The following ZMYM4 variants were observed in gnomAD, a reference collection of about 807,000 sequenced individuals.
ZMYM4 encodes the protein zinc finger MYM-type protein 4.
In ZMYM4, 31 loss-of-function variants were observed where a neutral mutation model predicts 183.2. The observed-to-expected ratio is 0.17, with a 90% confidence interval of 0.13 to 0.23. The LOEUF (loss-of-function observed/expected upper bound fraction) is 0.23. Ranked by LOEUF, ZMYM4 falls within the 10% of genes least tolerant of loss-of-function variation. ZMYM4 has a pLI of 1.00. For synonymous variants in ZMYM4, 592 were observed against 631.2 expected (o/e 0.94, Z 0.93); for missense variants, 1,273 against 1,840.3 (o/e 0.69, Z 5.64).
At chr1:35,398,537 A>G (rs1291532299) in intron 21 of ZMYM4, 71 bp downstream of exon 21, 1 of 1,337,164 alleles carries the variant, frequency 7.5e-7, no homozygotes, top group East Asian at 2.3e-5. Context: ...AAATATTAGT[A>G]CCCTTGGATT....
chr1:35,399,625 A>G, intron 23 of ZMYM4, 49 bp downstream of exon 23: 15 of 1,593,026 alleles, frequency 9.4e-6, no homozygotes, highest in South Asian at 2.2e-5. Context: ...TCATTCTACA[A>G]GCATTATTTA....
In ZMYM4 at chr1:35,394,192, T is replaced by A. The variant is rs975331847; in HGVS notation, c.2911+453T>A. On this transcript the variant is annotated intron_variant, in intron 18 of 29. Transcript: ENST00000314607. ...TTTTTTTTTTTTTTTTTTTTTTTTT[T>A]ATGAACTGCCTCTCCCCCTAGGCAG... 1.0e-3 allele frequency among the ~76,000 whole-genome samples: 120 copies of A among 119,326 alleles called. 1 individual carries two copies. The highest frequency in any genetic ancestry group is 5.1e-3 in the African/African-American group (112 of 21,990). The allele number at this position is 119,326 out of a possible 152,430, so 78.3% of individuals were successfully genotyped here.
intron 7 of ZMYM4, among the ~76,000 whole-genome samples, chr1:35,378,365 G>A (rs182500263): frequency 3.9e-5 from 6 of 152,252 alleles, no homozygotes; most frequent in Admixed American, 1.3e-4. Flanking sequence ...TCCTTTGGCC[G>A]GATCCGTTAT....
chr1:35,391,355 C>G (rs1007613715), intron 15 of ZMYM4, among the ~76,000 whole-genome samples: 2 of 152,144 alleles, frequency 1.3e-5, no homozygotes, highest in African/African-American at 4.8e-5. Context: ...GCCCCTTCCT[C>G]TTTGTTGCTT....
Position 35,419,492 on chromosome 1 carries a change from A to G in ZMYM4, c.4462A>G (p.Asn1488Asp). 1.2e-6 allele frequency: 2 copies of G among 1,613,482 alleles called. No individual in the cohort carries two copies. The highest frequency in any genetic ancestry group is 1.7e-6 in the Non-Finnish European group (2 of 1,179,862). ...SKCSESVKQR[N>D]DVFYLQPERS... ...TAGTTCTGAAAGTGTGAAGCAAAGG[A>G]ATGATGTGTTTTACCTTCAACCTGA... Residue 1488 changes from asparagine to aspartate, a missense_variant, in exon 30 of 30, where the codon AAT becomes GAT. By Grantham distance (23) the Asn-to-Asp change is conservative. Coordinates refer to ENST00000314607, the MANE Select transcript of ZMYM4 (RefSeq NM_005095.3).
chr1:35,414,487 C>A (rs1640033382), intron 27 of ZMYM4, among the ~76,000 whole-genome samples: 1 of 152,116 alleles, frequency 6.6e-6, no homozygotes, highest in South Asian at 2.1e-4. Flanking sequence ...TCAGACAAGT[C>A]CATAATTCAC....
intron 5 of ZMYM4, among the ~76,000 whole-genome samples, chr1:35,363,223 T>A (rs1344527109): frequency 6.6e-6 from 1 of 152,128 alleles, no homozygotes; most frequent in African/African-American, 2.4e-5. Flanking sequence ...CAAGCGATCC[T>A]CCTGCTATGG....
chr1:35,315,250 A>G (rs760136265), intron 1 of ZMYM4, among the ~76,000 whole-genome samples: 15 of 152,214 alleles, frequency 9.9e-5, no homozygotes, highest in Non-Finnish European at 2.1e-4. Context: ...CAAAACTTCA[A>G]TAGAACATTT....
chr1:35,386,277 A>G, intron 11 of ZMYM4, 88 bp downstream of exon 11: 3 of 864,024 alleles, frequency 3.5e-6, no homozygotes, highest in Non-Finnish European at 3.6e-6. Context: ...GAAATACCCT[A>G]GACTGGGTAA....
intron 27 of ZMYM4, among the ~76,000 whole-genome samples, chr1:35,415,219 T>G (rs962181067): frequency 1.3e-5 from 2 of 152,192 alleles, no homozygotes; most frequent in Non-Finnish European, 2.9e-5. Flanking sequence ...TAAAGACAGC[T>G]TAACCCCTAA....
intron 2 of ZMYM4, among the ~76,000 whole-genome samples, chr1:35,356,901 CAGG>C (rs1302583694): frequency 6.6e-6 from 1 of 151,936 alleles, no homozygotes; most frequent in African/African-American, 2.4e-5. Flanking sequence ...AAGAAAGAAA[CAGG>C]GGGTTGCCCT....
intron 1 of ZMYM4, among the ~76,000 whole-genome samples, chr1:35,269,691 G>A (rs1047980067): frequency 2.0e-5 from 3 of 152,134 alleles, no homozygotes; most frequent in Admixed American, 1.3e-4. Context: ...CCTCTTACTC[G>A]CAATTAGGGA....
chr1:35,367,106 A>G (rs1360357602), intron 5 of ZMYM4, among the ~76,000 whole-genome samples: 1 of 152,180 alleles, frequency 6.6e-6, no homozygotes, highest in East Asian at 1.9e-4. Context: ...AGTTTTGTAG[A>G]AGAATAATAG....
intron 7 of ZMYM4, 100 bp downstream of exon 7, chr1:35,370,727 C>CATT: frequency 1.1e-5 from 3 of 283,484 alleles, no homozygotes; most frequent in Non-Finnish European, 1.5e-5. Flanking sequence ...ACATTTATTC[C>CATT]TTTTTTTTTT....
chr1:35,396,414 C>T (rs1458944384), intron 18 of ZMYM4, 138 bp from the exon 19 acceptor site: 5 of 1,202,332 alleles, frequency 4.2e-6, no homozygotes, highest in Non-Finnish European at 5.7e-6. Context: ...GTTATTTCTC[C>T]TTTGTAAGAA....
At chr1:35,289,958 C>T (rs1640680235) in intron 1 of ZMYM4, among the ~76,000 whole-genome samples, 1 of 151,448 alleles carries the variant, frequency 6.6e-6, no homozygotes, top group Non-Finnish European at 1.5e-5. Flanking sequence ...TCTTTCTTTT[C>T]TTTTTTTTCT....
chr1:35,403,887 C>T (rs1644956448), intron 23 of ZMYM4, among the ~76,000 whole-genome samples: 1 of 152,078 alleles, frequency 6.6e-6, no homozygotes, highest in South Asian at 2.1e-4. Context: ...TTATCTGTTT[C>T]TTCTAGAGTA....
chr1:35,318,734 A>G (rs1371786750), intron 1 of ZMYM4, among the ~76,000 whole-genome samples: 1 of 152,228 alleles, frequency 6.6e-6, no homozygotes, highest in Non-Finnish European at 1.5e-5. Context: ...CTGGGATTAC[A>G]GGCATGTACC....
At chr1:35,351,574 C>T (rs1164772379) in intron 2 of ZMYM4, 2 of 870,180 alleles carry the variant, frequency 2.3e-6, no homozygotes, top group East Asian at 2.4e-5. Context: ...AGGCAAACTC[C>T]CTCAGAGCTC....
Sources: gnomAD v4.1 joint callset for allele counts (sites outside exome capture counted in the v4.1 genomes callset) on GRCh38, gnomAD v4.1.1 for gene constraint, MANE v1.5 for transcripts, NCBI Gene and HGNC (gene_info 2026-07-23, HGNC 2026-07-21) for gene names.